The following PCDHGA11 variants were observed in gnomAD, a reference collection of about 807,000 sequenced individuals.
PCDHGA11 encodes protocadherin gamma subfamily A, 11.
Under a neutral mutation model 60.4 loss-of-function variants are expected in PCDHGA11, and 39 were observed. That is an observed-to-expected ratio of 0.65 (90% CI 0.50 to 0.84). The LOEUF (loss-of-function observed/expected upper bound fraction) is 0.84, where lower values mean the gene tolerates loss of function less well. Ranked by LOEUF, PCDHGA11 falls within the 40% of genes least tolerant of loss-of-function variation. The pLI, the probability that PCDHGA11 is intolerant of heterozygous loss-of-function variation, is 0.00. For missense variants in PCDHGA11, 1,165 were observed against 1,197.7 expected (o/e 0.97, Z 0.40); for synonymous variants, 533 against 510.3 (o/e 1.04, Z -0.60).
rs1214425261 is a variant in PCDHGA11 at position 141,485,865 on chromosome 5, C to G, written c.2434-8942C>G. On this transcript the variant is annotated intron_variant, in intron 1 of 3. Coordinates refer to ENST00000398587, the MANE Select transcript of PCDHGA11 (RefSeq NM_018914.3). This position sits in a 1 kb window ranked among gnomAD's most constrained non-coding sequence, Gnocchi z 5.7. The stretch of plus-strand genomic sequence containing the variant: ...TCTGGCACCGCAGAGCTCCGGGTAT[C>G]CGTGCTGGACGTAAACGACAACGCC... The G allele has an allele frequency of 1.2e-6, 2 of 1,614,182 alleles. No individual in the cohort carries two copies.
chr5:141,422,368 G>A lies in PCDHGA11; in HGVS notation c.1141G>A (p.Gly381Ser). 1.9e-6 allele frequency: 3 copies of A among 1,565,294 alleles called. No individual in the cohort carries two copies. Among genetic ancestry groups the A allele is most frequent in the Non-Finnish European group, 2.6e-6 (3 of 1,160,914 alleles). The part of the protein sequence containing the change: ...NVQDQDSGEN[G>S]QVSCFIPNHL... ...GCAAGATCAAGATTCTGGAGAAAAT[G>A]GTCAAGTCTCCTGTTTTATTCCTAA... The change falls in exon 1 of 4, where the codon GGT (glycine) becomes AGT (serine). Residue 381 changes from glycine to serine, a missense_variant. By Grantham distance (56) the Gly-to-Ser change is moderately conservative. Coordinates refer to ENST00000398587, the MANE Select transcript of PCDHGA11 (RefSeq NM_018914.3).
At chr5:141,456,968 AAAAC>A (rs202005606) in intron 1 of PCDHGA11, among the ~76,000 whole-genome samples, 2,421 of 152,270 alleles carry the variant, frequency 0.016, 37 homozygotes, top group Non-Finnish European at 0.025. Context: ...ATCTCAAAAC[AAAAC>A]AAACAAACAA....
At chr5:141,502,404 C>A (rs1270930372) in intron 2 of PCDHGA11, among the ~76,000 whole-genome samples, 1 of 151,880 alleles carries the variant, frequency 6.6e-6, no homozygotes, top group Non-Finnish European at 1.5e-5. Flanking sequence ...TGTCCCCGAA[C>A]CTGGATTTGC....
intron 1 of PCDHGA11, among the ~76,000 whole-genome samples, chr5:141,442,700 TA>T (rs2098337605): frequency 6.6e-6 from 1 of 152,198 alleles, no homozygotes; most frequent in Non-Finnish European, 1.5e-5. Flanking sequence ...CAGACAAGAG[TA>T]TCAGACATGC....
chr5:141,441,364 CGT>C (rs1283671958), intron 1 of PCDHGA11: 1 of 152,528 alleles, frequency 6.6e-6, no homozygotes, highest in African/African-American at 2.4e-5. Context: ...CAAATGGGGC[CGT>C]GGACCAGGAA....
At chr5:141,478,500 T>C (rs754881921) in intron 1 of PCDHGA11, 16 of 1,612,740 alleles carry the variant, frequency 9.9e-6, no homozygotes, top group Non-Finnish European at 1.4e-5. Context: ...TGTGATCCGG[T>C]GTTCTATAGG....
intron 2 of PCDHGA11, among the ~76,000 whole-genome samples, chr5:141,501,761 G>C (rs906778888): frequency 2.6e-5 from 4 of 152,090 alleles, no homozygotes; most frequent in African/African-American, 4.8e-5. Flanking sequence ...CTCAGTAAAT[G>C]GTTAAAAAAG....
intron 1 of PCDHGA11, among the ~76,000 whole-genome samples, chr5:141,456,105 G>T (rs2098843517): frequency 6.6e-6 from 1 of 151,978 alleles, no homozygotes; most frequent in Non-Finnish European, 1.5e-5. Context: ...CACCGTGTTA[G>T]CCAGGATGGT....
chr5:141,489,283 G>A lies in PCDHGA11; in HGVS notation c.2434-5524G>A. The A allele has an allele frequency of 6.4e-7, 1 of 1,569,594 alleles. No homozygotes were observed. Among genetic ancestry groups the A allele is most frequent in the Admixed American group, 1.8e-5 (1 of 55,646 alleles). ...CCCACAGCTCGCTGGGAAATGGCAA[G>A]TGCTGTGCATGTTGTCCTTGTGCTG... On this transcript the variant is annotated intron_variant, in intron 1 of 3. Coordinates refer to ENST00000398587, the MANE Select transcript of PCDHGA11 (RefSeq NM_018914.3). This position sits in a 1 kb window ranked among gnomAD's most constrained non-coding sequence, Gnocchi z 4.5.
rs1004061582 is a variant in PCDHGA11, at chr5:141,477,406, A to C, written c.2434-17401A>C. ...AATACAACCTCAGCATCACCGCCCG[A>C]GACGCCGGAACCCCTTCCCTCTCAG... On this transcript the variant is annotated intron_variant, in intron 1 of 3. Transcript: ENST00000398587. The surrounding 1 kb of genome is among the most constrained non-coding windows in gnomAD (Gnocchi z 4.9). 6.2e-7 allele frequency: 1 copy of C among 1,614,036 alleles called. No homozygotes were observed. Among genetic ancestry groups the C allele is most frequent in the Admixed American group, 1.7e-5 (1 of 59,994 alleles).
chr5:141,497,122 G>A (rs1407489807), intron 2 of PCDHGA11, among the ~76,000 whole-genome samples: 1 of 151,992 alleles, frequency 6.6e-6, no homozygotes, highest in East Asian at 1.9e-4. Flanking sequence ...GAAGGCAGAG[G>A]TTGCAGTGAG....
At chr5:141,433,091 A>C in intron 1 of PCDHGA11, 1 of 1,614,182 alleles carries the variant, frequency 6.2e-7, no homozygotes, top group Non-Finnish European at 8.5e-7. Flanking sequence ...CTATGCAGAC[A>C]TGCTCGTCAG....
intron 1 of PCDHGA11, among the ~76,000 whole-genome samples, chr5:141,492,808 A>C (rs1261752522): frequency 6.6e-6 from 1 of 152,252 alleles, no homozygotes; most frequent in African/African-American, 2.4e-5. Flanking sequence ...CTGGGACTCC[A>C]GTGGCACCAG....
At chr5:141,429,169 T>TACACACACACACACACACAAAC (rs2097191391) in intron 1 of PCDHGA11, 1 of 145,394 alleles carries the variant, frequency 6.9e-6, no homozygotes, top group East Asian at 2.0e-4. Flanking sequence ...ACATTGTTTA[T>TACACACACACACACACACAAAC]ACACACACAC....
rs753196648 is a variant in PCDHGA11 at position 141,421,787 on chromosome 5, C to A, written c.560C>A (p.Thr187Lys). 6.2e-7 allele frequency: 1 copy of A among 1,613,812 alleles called. No homozygotes were observed. The highest frequency in any genetic ancestry group is 2.2e-5 in the East Asian group (1 of 44,880). ...TTTTCCTTGCAACTGCGGGGCAGAA[C>A]GGATGGGGCCAAGAATCCAGAGCTA... is the stretch of plus-strand genomic sequence containing the variant. ...NYFSLQLRGRTDGAKNPELVL... is the reference protein window; with the variant it reads ...NYFSLQLRGRKDGAKNPELVL... The change falls in exon 1 of 4, where the codon ACG (threonine) becomes AAG (lysine). Residue 187 changes from threonine to lysine, a missense_variant. Physicochemically the swap from Thr to Lys is moderately conservative, Grantham distance 78. Coordinates refer to ENST00000398587, the MANE Select transcript of PCDHGA11 (RefSeq NM_018914.3).
chr5:141,460,454 T>A (rs1010186960), intron 1 of PCDHGA11, among the ~76,000 whole-genome samples: 6 of 152,194 alleles, frequency 3.9e-5, no homozygotes, highest in Admixed American at 3.3e-4. Flanking sequence ...TGAAGATTCA[T>A]ATTTTTTTCC....
chr5:141,436,713 G>T (rs2097842329), intron 1 of PCDHGA11, among the ~76,000 whole-genome samples: 1 of 152,190 alleles, frequency 6.6e-6, no homozygotes, highest in Non-Finnish European at 1.5e-5. Context: ...TCGATGTTCT[G>T]TTGGGAAAAA....
chr5:141,423,868 T>G (rs2154550529), intron 1 of PCDHGA11: 1 of 1,283,788 alleles, frequency 7.8e-7, no homozygotes, highest in East Asian at 3.1e-5. Flanking sequence ...GTGAAAGTCA[T>G]TTTTCAATCT....
chr5:141,464,306 A>G (rs1438401635), intron 1 of PCDHGA11, among the ~76,000 whole-genome samples: 3 of 150,952 alleles, frequency 2.0e-5, no homozygotes. Context: ...TTGTATGTGC[A>G]CATATCATTA....
Sources: gnomAD v4.1 joint callset for allele counts (sites outside exome capture counted in the v4.1 genomes callset) on GRCh38, gnomAD v4.1.1 for gene constraint, Gnocchi (gnomAD v3.1) non-coding constraint, MANE v1.5 for transcripts, NCBI Gene and HGNC (gene_info 2026-07-23, HGNC 2026-07-21) for gene names.